SWAP70: variants seen among roughly 807,000 people sequenced by gnomAD.
SWAP70 encodes the protein switch-associated protein 70.
A neutral mutation model predicts 80.2 loss-of-function variants in SWAP70; 34 were observed. The observed-to-expected ratio is 0.42, with a 90% CI of 0.32 to 0.56. The LOEUF is 0.56. Ranked by LOEUF, SWAP70 falls within the 20% of genes least tolerant of loss-of-function variation. SWAP70 has a pLI of 0.09. For synonymous variants in SWAP70, 239 were observed against 238.5 expected (o/e 1.00, Z -0.02); for missense variants, 578 against 690.7 (o/e 0.84, Z 1.83).
intron 1 of SWAP70, among the ~76,000 whole-genome samples, chr11:9,686,975 A>G (rs951344806): frequency 2.0e-5 from 3 of 152,214 alleles, no homozygotes; most frequent in African/African-American, 7.2e-5. Flanking sequence ...ACTCCCTTAT[A>G]TCTCCTCAAA....
At chr11:9,678,669 C>G (rs1457809606) in intron 1 of SWAP70, among the ~76,000 whole-genome samples, 4 of 150,928 alleles carry the variant, frequency 2.7e-5, no homozygotes, top group Non-Finnish European at 4.4e-5. Flanking sequence ...TCATCACAGT[C>G]CCAGAGGTAC....
intron 9 of SWAP70, among the ~76,000 whole-genome samples, chr11:9,746,168 A>C (rs1057053851): frequency 6.6e-6 from 1 of 152,222 alleles, no homozygotes; most frequent in African/African-American, 2.4e-5. Flanking sequence ...TACATAGCCA[A>C]GCCCAGCTTG....
intron 2 of SWAP70, among the ~76,000 whole-genome samples, chr11:9,697,498 G>T (rs1206734340): frequency 6.6e-6 from 1 of 151,958 alleles, no homozygotes; most frequent in Admixed American, 6.6e-5. Flanking sequence ...GACCAGATTG[G>T]TCTTGAACTC....
chr11:9,707,820 T>G (rs1398891694), intron 2 of SWAP70, among the ~76,000 whole-genome samples: 1 of 152,152 alleles, frequency 6.6e-6, no homozygotes, highest in South Asian at 2.1e-4. Flanking sequence ...CCTCCCAAAG[T>G]GTTGGGATTA....
intron 1 of SWAP70, among the ~76,000 whole-genome samples, chr11:9,669,667 CAT>C (rs1470584171): frequency 8.5e-5 from 13 of 152,230 alleles, no homozygotes; most frequent in African/African-American, 3.1e-4. Flanking sequence ...AGAACATACA[CAT>C]ATGTGTTCCT....
At chr11:9,721,328 G>A (rs758390047) in intron 3 of SWAP70, among the ~76,000 whole-genome samples, 10 of 152,088 alleles carry the variant, frequency 6.6e-5, no homozygotes, top group South Asian at 2.1e-4. Flanking sequence ...AGATCTAAGC[G>A]TGTTTTTCTC....
intron 6 of SWAP70, among the ~76,000 whole-genome samples, chr11:9,731,235 A>G (rs1851294350): frequency 6.6e-6 from 1 of 152,214 alleles, no homozygotes; most frequent in African/African-American, 2.4e-5. Context: ...GAGATTCTGA[A>G]TATTATATTC....
rs184821354 is a variant in SWAP70, at chr11:9,701,827, C to T, written c.240+7541C>T. On this transcript the variant is annotated intron_variant, in intron 2 of 11. Transcript: ENST00000318950. ...ATATAAAAAACTAGTTTTGCTTCAG[C>T]GTATTTTTAAGGCAGTCTAATTCTT... is the stretch of plus-strand genomic sequence containing the variant. Among the ~76,000 whole-genome samples, 9 of 151,158 alleles carry T rather than the reference C, an allele frequency of 6.0e-5. No homozygotes were observed. In the Admixed American group the frequency reaches 6.0e-4, roughly 10 times the overall value.
At chr11:9,683,353 C>T (rs1321933949) in intron 1 of SWAP70, among the ~76,000 whole-genome samples, 1 of 151,552 alleles carries the variant, frequency 6.6e-6, no homozygotes, top group Non-Finnish European at 1.5e-5. Flanking sequence ...GAGGTCGAGC[C>T]TGTGGTGAGC....
chr11:9,692,498 T>G (rs905235900), intron 1 of SWAP70, among the ~76,000 whole-genome samples: 5 of 151,934 alleles, frequency 3.3e-5, no homozygotes, highest in Admixed American at 2.0e-4. Context: ...TCTTTTCATA[T>G]CCGTACATAG....
chr11:9,671,572 A>ATT (rs1850394014), intron 1 of SWAP70, among the ~76,000 whole-genome samples: 1 of 62,382 alleles, frequency 1.6e-5, no homozygotes, highest in Non-Finnish European at 3.2e-5. Context: ...ATATATTTAT[A>ATT]TAGAAATATA....
chr11:9,737,829 G>A (rs1009784684), intron 7 of SWAP70, among the ~76,000 whole-genome samples: 13 of 152,374 alleles, frequency 8.5e-5, no homozygotes, highest in Non-Finnish European at 1.5e-4. Flanking sequence ...CTGGGAGGTG[G>A]AGGTTGCAGT....
At chr11:9,718,539 A>G (rs1419614907) in intron 3 of SWAP70, among the ~76,000 whole-genome samples, 1 of 152,226 alleles carries the variant, frequency 6.6e-6, no homozygotes, top group East Asian at 1.9e-4. Context: ...GAATAATAAC[A>G]CTTCAAAAAC....
At position 9,738,256 on chromosome 11, in the gene SWAP70, A is replaced by G. The variant is rs749032877; in HGVS notation, c.1124A>G (p.Lys375Arg). 4 of 1,611,802 alleles carry G rather than the reference A, an allele frequency of 2.5e-6. No individual in the cohort carries two copies. In the South Asian group the frequency reaches 4.4e-5, roughly 18 times the overall value. ...AASRAAEEEKKRLQTQVELQA... is the reference protein window; with the variant it reads ...AASRAAEEEKRRLQTQVELQA... The stretch of plus-strand genomic sequence containing the variant: ...TCTCGTGCAGCAGAAGAGGAAAAGA[A>G]ACGCCTTCAGACTCAAGTGGAACTT... The change falls in exon 8 of 12, where the codon AAA (lysine) becomes AGA (arginine). Residue 375 changes from lysine (K) to arginine (R), a missense_variant. Physicochemically the swap from Lys to Arg is conservative, Grantham distance 26 (BLOSUM62 2). Coordinates refer to ENST00000318950, the MANE Select transcript of SWAP70 (RefSeq NM_015055.4).
intron 1 of SWAP70, among the ~76,000 whole-genome samples, chr11:9,673,931 G>A (rs1317411259): frequency 1.3e-5 from 2 of 152,002 alleles, no homozygotes; most frequent in Admixed American, 6.6e-5. Context: ...ATGGAATCCC[G>A]CTCTGTCGCC....
In SWAP70 at chr11:9,705,779, A is replaced by G. The variant is rs1302767242; in HGVS notation, c.241-7687A>G. On this transcript the variant is annotated intron_variant, in intron 2 of 11. Coordinates refer to ENST00000318950, the MANE Select transcript of SWAP70 (RefSeq NM_015055.4). ...ATCTGTATACACTGGTGATCTGTGTATACTTGGTGATCTGTATGCACTGGT... is the reference window on the plus strand; with the variant it reads ...ATCTGTATACACTGGTGATCTGTGTGTACTTGGTGATCTGTATGCACTGGT... Among the ~76,000 whole-genome samples, 3 of 128,188 alleles carry G rather than the reference A, an allele frequency of 2.3e-5. No homozygotes were observed. In the South Asian group the frequency reaches 8.1e-4, roughly 35 times the overall value. 84.1% of individuals were successfully genotyped at this position (128,188 alleles called of 152,430 possible). A position where few individuals can be genotyped will look rare whatever the true frequency, so the allele number is the denominator to read the frequency against.
intron 2 of SWAP70, among the ~76,000 whole-genome samples, chr11:9,699,918 T>C (rs1025440977): frequency 6.7e-6 from 1 of 150,308 alleles, no homozygotes; most frequent in Non-Finnish European, 1.5e-5. Context: ...GTAAATAGAA[T>C]TGTGTCTGTT....
At chr11:9,714,167 GCTAT>G (rs34166963) in intron 3 of SWAP70, among the ~76,000 whole-genome samples, 32,634 of 152,020 alleles carry the variant, frequency 0.21, 4,658 homozygotes, top group Non-Finnish European at 0.31. Flanking sequence ...AGGCTTCTGT[GCTAT>G]CTAACTGTCC....
intron 2 of SWAP70, among the ~76,000 whole-genome samples, chr11:9,702,970 A>G (rs549882046): frequency 2.0e-4 from 31 of 152,198 alleles, no homozygotes; most frequent in Non-Finnish European, 4.1e-4. Flanking sequence ...AGTCTATTTA[A>G]CATGTACCAT....
Sources: allele counts gnomAD v4.1 joint callset (sites outside exome capture counted in the v4.1 genomes callset), GRCh38; gene constraint gnomAD v4.1.1; transcripts MANE v1.5; gene names NCBI Gene and HGNC (gene_info 2026-07-23, HGNC 2026-07-21).